The following PPM1E variants were observed in gnomAD, a reference collection of about 807,000 sequenced individuals.
PPM1E encodes protein phosphatase 1E.
PPM1E carries 20 observed loss-of-function variants against 65.9 expected under a neutral mutation model. That is an observed-to-expected ratio of 0.30 (90% CI 0.21 to 0.44). PPM1E has a LOEUF of 0.44. Ranked by LOEUF, PPM1E falls within the 20% of genes least tolerant of loss-of-function variation. The pLI is 1.00. For missense variants in PPM1E, 713 were observed against 953.1 expected, an observed-to-expected ratio of 0.75 and a Z score of 3.32; for synonymous variants, 352 against 374.9, an observed-to-expected ratio of 0.94 and a Z score of 0.70.
intron 6 of PPM1E, among the ~76,000 whole-genome samples, chr17:58,974,111 GGAGT>G (rs769683603): frequency 1.3e-5 from 2 of 152,076 alleles, no homozygotes; most frequent in African/African-American, 2.4e-5. Context: ...CTGGGCCAAG[GGAGT>G]GAGATCCTGT....
chr17:58,820,350 C>T lies in PPM1E; in HGVS notation c.464+63889C>T, dbSNP rs534908275. ...ATTTTGTGTGACCTTGGGCAAGGTA[C>T]GAAACCTCTCCAACCTCCAGTTTCT... On this transcript the variant is annotated intron_variant, in intron 1 of 6. Coordinates refer to ENST00000308249, the MANE Select transcript of PPM1E (RefSeq NM_014906.5). Among the ~76,000 whole-genome samples, 17 of 152,228 alleles carry T rather than the reference C, an allele frequency of 1.1e-4. No individual in the cohort carries two copies. In the East Asian group the frequency reaches 2.5e-3, roughly 22 times the overall value.
intron 1 of PPM1E, among the ~76,000 whole-genome samples, chr17:58,921,530 A>G (rs1452557587): frequency 6.6e-6 from 1 of 151,790 alleles, no homozygotes; most frequent in Non-Finnish European, 1.5e-5. Context: ...CAAACAAACA[A>G]ACAAACAAAC....
At chr17:58,931,066 T>TAAAAAAAAA (rs774968022) in intron 1 of PPM1E, among the ~76,000 whole-genome samples, 17 of 83,064 alleles carry the variant, frequency 2.0e-4, no homozygotes, top group Non-Finnish European at 2.6e-4. Context: ...ATACAAAAAT[T>TAAAAAAAAA]AAAAAAAAAA....
At chr17:58,853,439 G>T (rs2050849352) in intron 1 of PPM1E, among the ~76,000 whole-genome samples, 1 of 152,080 alleles carries the variant, frequency 6.6e-6, no homozygotes, top group Non-Finnish European at 1.5e-5. Flanking sequence ...TGCATTTCTG[G>T]ACTCCCTATT....
chr17:58,825,224 T>TCACACA (rs71367635), intron 1 of PPM1E, among the ~76,000 whole-genome samples: 4,045 of 140,096 alleles, frequency 0.029, 61 homozygotes, highest in Non-Finnish European at 0.04. Flanking sequence ...ACACACACAC[T>TCACACA]CACACACACA....
chr17:58,905,461 GATC>G lies in PPM1E; in HGVS notation c.465-50185_465-50183del, dbSNP rs372819449. Among the ~76,000 whole-genome samples the G allele has an allele frequency of 9.2e-4, 140 of 152,158 alleles. 1 individual carries two copies. The highest frequency in any genetic ancestry group is 3.3e-3 in the African/African-American group (137 of 41,550). ...GTGCTTTTTCTGCATCTTTTGATATGATCATGTAATTTTTCTTTTTTAGCCTTT... is the reference window on the plus strand; with the variant it reads ...GTGCTTTTTCTGCATCTTTTGATATGATGTAATTTTTCTTTTTTAGCCTTT... On this transcript the variant is annotated intron_variant, in intron 1 of 6. Coordinates refer to ENST00000308249, the MANE Select transcript of PPM1E (RefSeq NM_014906.5).
At chr17:58,849,371 C>A (rs1255029427) in intron 1 of PPM1E, among the ~76,000 whole-genome samples, 4 of 151,686 alleles carry the variant, frequency 2.6e-5, no homozygotes, top group African/African-American at 9.7e-5. Flanking sequence ...GTTAGGGTGT[C>A]AATTTTAGAT....
intron 1 of PPM1E, among the ~76,000 whole-genome samples, chr17:58,832,310 C>G (rs1257449693): frequency 6.6e-6 from 1 of 152,108 alleles, no homozygotes; most frequent in Non-Finnish European, 1.5e-5. Flanking sequence ...CAGGTAGAAT[C>G]TAACCAGCAC....
At chr17:58,916,412 T>C (rs182525311) in intron 1 of PPM1E, among the ~76,000 whole-genome samples, 73 of 152,338 alleles carry the variant, frequency 4.8e-4, no homozygotes, top group Non-Finnish European at 9.6e-4. Context: ...CCTTTGCTTA[T>C]GAATTCCTGT....
intron 1 of PPM1E, among the ~76,000 whole-genome samples, chr17:58,833,285 C>A (rs2050622724): frequency 6.6e-6 from 1 of 150,408 alleles, no homozygotes; most frequent in Non-Finnish European, 1.5e-5. Flanking sequence ...GATCTGTTTT[C>A]CATTACCATA....
chr17:58,806,653 C>T (rs1220104915), intron 1 of PPM1E, among the ~76,000 whole-genome samples: 4 of 151,450 alleles, frequency 2.6e-5, no homozygotes, highest in Admixed American at 2.6e-4. Context: ...AAGTGGCTGC[C>T]ACAGGATCAC....
At chr17:58,918,827 A>AAAAAAT (rs2051716545) in intron 1 of PPM1E, among the ~76,000 whole-genome samples, 1 of 151,516 alleles carries the variant, frequency 6.6e-6, no homozygotes, top group African/African-American at 2.4e-5. Flanking sequence ...AAAAAAAAAA[A>AAAAAAT]AAAGCTTCTA....
At chr17:58,857,257 A>T (rs1292490177) in intron 1 of PPM1E, among the ~76,000 whole-genome samples, 1 of 152,120 alleles carries the variant, frequency 6.6e-6, no homozygotes, top group Non-Finnish European at 1.5e-5. Flanking sequence ...CATTGAATGG[A>T]AGATTTTTTT....
chr17:58,971,529 G>A (rs1421137922), intron 4 of PPM1E, among the ~76,000 whole-genome samples: 1 of 152,102 alleles, frequency 6.6e-6, no homozygotes, highest in Non-Finnish European at 1.5e-5. Context: ...CAAAAGCAAA[G>A]ACCCCTAAAA....
At chr17:58,810,830 G>A (rs910927727) in intron 1 of PPM1E, among the ~76,000 whole-genome samples, 3 of 151,904 alleles carry the variant, frequency 2.0e-5, no homozygotes, top group African/African-American at 7.3e-5. Flanking sequence ...ATTATGAATT[G>A]TTATGGCCCA....
rs569269479 is a variant in PPM1E, at chr17:58,788,218, T to G, written c.464+31757T>G. Among the ~76,000 whole-genome samples the G allele has an allele frequency of 9.2e-5, 14 of 152,090 alleles. No homozygotes were observed. In the East Asian group the frequency reaches 2.7e-3, roughly 30 times the overall value. On this transcript the variant is annotated intron_variant, in intron 1 of 6. Coordinates refer to ENST00000308249, the MANE Select transcript of PPM1E (RefSeq NM_014906.5). ...GGCGCTCGGCACCACACCCAGCTAA[T>G]TTTTGAACTTTTAGTAGAGACGAGG...
rs965992189 is a variant in PPM1E at position 58,948,240 on chromosome 17, C to A, written c.465-7409C>A. Among the ~76,000 whole-genome samples, 10 of 152,056 alleles carry A rather than the reference C, an allele frequency of 6.6e-5. No homozygotes were observed. The East Asian group carries it at 1.7e-3, about 26-fold the overall frequency. On this transcript the variant is annotated intron_variant, in intron 1 of 6. Coordinates refer to ENST00000308249, the MANE Select transcript of PPM1E (RefSeq NM_014906.5). ...AATGGCAAAGTTCTAAAATAGCATG[C>A]GGGACCAGGAATGCTGTTGCGGCCT...
intron 1 of PPM1E, among the ~76,000 whole-genome samples, chr17:58,768,322 C>T (rs1158227341): frequency 6.6e-6 from 1 of 152,022 alleles, no homozygotes; most frequent in Non-Finnish European, 1.5e-5. Context: ...TCAAGTGATC[C>T]ACCCACCTTG....
intron 1 of PPM1E, among the ~76,000 whole-genome samples, chr17:58,824,788 T>C (rs1442943769): frequency 7.0e-6 from 1 of 142,290 alleles, no homozygotes; most frequent in African/African-American, 2.5e-5. Context: ...TTTTTTTTTT[T>C]CAGTAGTGAC....
Sources: allele counts gnomAD v4.1 joint callset (sites outside exome capture counted in the v4.1 genomes callset), GRCh38; gene constraint gnomAD v4.1.1; transcripts MANE v1.5; gene names NCBI Gene and HGNC (gene_info 2026-07-23, HGNC 2026-07-21).